UBE2J2: variants seen among roughly 807,000 people sequenced by gnomAD.
The protein encoded by UBE2J2 is ubiquitin-conjugating enzyme E2 J2.
Under a neutral mutation model 28.6 loss-of-function variants are expected in UBE2J2, and 5 were observed. That is an observed-to-expected ratio of 0.17 (90% CI 0.09 to 0.37). The LOEUF is 0.37. Among genes scored for constraint, UBE2J2 ranks in the 10% least tolerant of loss-of-function variants. The probability of loss-of-function intolerance (pLI) is 1.00; values close to 1 mark genes in which losing one functional copy is unlikely to be tolerated. For synonymous variants in UBE2J2, 138 were observed against 139.7 expected, an observed-to-expected ratio of 0.99 and a Z score of 0.09; for missense variants, 226 against 338.9, an observed-to-expected ratio of 0.67 and a Z score of 2.62.
In UBE2J2 at chr1:1,268,096, G is replaced by C. The variant is rs543455689; in HGVS notation, c.1-104C>G. The C allele has an allele frequency of 6.7e-6, 10 of 1,496,810 alleles. No homozygotes were observed. Among genetic ancestry groups the C allele is most frequent in the Non-Finnish European group, 9.1e-6 (10 of 1,094,088 alleles). The allele number at this position is 1,496,810 out of a possible 1,614,324, so 92.7% of individuals were successfully genotyped here. ...GCCTCTGCAGCCCGCCATTCATTCA[G>C]GGCCCGGTCACCCAGAGTCACAGCT... On this transcript the variant is annotated intron_variant, in intron 1 of 6. Transcript: ENST00000349431. The surrounding 1 kb of genome is among the most constrained non-coding windows in gnomAD (Gnocchi z 4.7).
chr1:1,266,281 T>C (rs1427601060), intron 2 of UBE2J2: 2 of 865,466 alleles, frequency 2.3e-6, no homozygotes, highest in Non-Finnish European at 3.1e-6. Flanking sequence ...CTCACTGAAA[T>C]ATCTTTTCTC....
intron 3 of UBE2J2, 61 bp downstream of exon 3, chr1:1,263,285 C>T: frequency 6.9e-7 from 1 of 1,458,588 alleles, no homozygotes; most frequent in East Asian, 2.3e-5. Context: ...GTTGAACAGG[C>T]AAGGCTGACT....
rs746994794 is a variant in UBE2J2, at chr1:1,257,202, C to T, written c.275+6G>A. On this transcript the variant is annotated splice_donor_region_variant and intron_variant, in intron 4 of 6. Transcript: ENST00000349431. ...AAAGCCTCCGCGGCCCCTCCAGGCACCTTACCTGGTGTTGCACTTAAACCT... is the reference window on the plus strand; with the variant it reads ...AAAGCCTCCGCGGCCCCTCCAGGCATCTTACCTGGTGTTGCACTTAAACCT... 644 of 1,606,288 alleles carry T rather than the reference C, an allele frequency of 4.0e-4. No homozygotes were observed. Among genetic ancestry groups the T allele is most frequent in the Non-Finnish European group, 5.2e-4 (612 of 1,174,892 alleles).
chr1:1,259,593 G>A lies in UBE2J2; in HGVS notation c.173-2283C>T, dbSNP rs1639435281. On this transcript the variant is annotated intron_variant, in intron 3 of 6. Coordinates refer to ENST00000349431, the MANE Select transcript of UBE2J2 (RefSeq NM_058167.3). ...GCCTCGGCATCCACTCTGAATCTAG[G>A]CTGGACTTTCTCTGACCAGAAGCGG... Among the ~76,000 whole-genome samples, 3 of 152,288 alleles carry A rather than the reference G, an allele frequency of 2.0e-5. No individual in the cohort carries two copies. The South Asian group carries it at 6.2e-4, about 32-fold the overall frequency.
At chr1:1,262,045 T>C in intron 3 of UBE2J2, 1 of 250,066 alleles carries the variant, frequency 4.0e-6, no homozygotes, top group Non-Finnish European at 8.1e-6. Context: ...TTAGTAGAGA[T>C]GGGGTTTCTC....
At chr1:1,259,468 CG>C (rs1639426921) in intron 3 of UBE2J2, among the ~76,000 whole-genome samples, 1 of 152,240 alleles carries the variant, frequency 6.6e-6, no homozygotes, top group Admixed American at 6.5e-5. Context: ...GTCCCCAAAT[CG>C]CCACGGGCTC....
rs971386703 is a variant in UBE2J2 at position 1,268,529 on chromosome 1, G to A, written c.1-537C>T. On this transcript the variant is annotated intron_variant, in intron 1 of 6. Transcript: ENST00000349431. This position sits in a 1 kb window ranked among gnomAD's most constrained non-coding sequence, Gnocchi z 4.7. ...GGGGAGCCTCTGCGGCTGGAGGGAC[G>A]AGGACTCTGGAGACTCCAAGGCACT... 1.9e-4 allele frequency among the ~76,000 whole-genome samples: 29 copies of A among 152,192 alleles called. No individual in the cohort carries two copies. The highest frequency in any genetic ancestry group is 2.1e-4 in the South Asian group (1 of 4,826).
At chr1:1,255,937 C>G in intron 6 of UBE2J2, 108 bp downstream of exon 6, 1 of 837,670 alleles carries the variant, frequency 1.2e-6, no homozygotes. Context: ...AGGAGCCATC[C>G]CCTGGGGAGG....
intron 5 of UBE2J2, 98 bp from the exon 6 acceptor site, chr1:1,256,223 T>C (rs1639164172): frequency 1.1e-6 from 1 of 873,686 alleles, no homozygotes; most frequent in East Asian, 2.5e-5. Context: ...GCAGTCTTCG[T>C]GTTGCAGAAA....
intron 2 of UBE2J2, 82 bp downstream of exon 2, chr1:1,267,780 C>G: frequency 6.3e-7 from 1 of 1,579,402 alleles, no homozygotes; most frequent in Non-Finnish European, 8.6e-7. Flanking sequence ...GACTGGGGCA[C>G]CAGGCTCGCC....
At chr1:1,259,494 C>T (rs1639428204) in intron 3 of UBE2J2, among the ~76,000 whole-genome samples, 1 of 152,236 alleles carries the variant, frequency 6.6e-6, no homozygotes, top group Non-Finnish European at 1.5e-5. Flanking sequence ...GCTCTAGACC[C>T]ACCCTGTGTA....
chr1:1,256,942 C>A lies in UBE2J2; in HGVS notation c.414+50G>T, dbSNP rs372828954. The A allele has an allele frequency of 6.4e-6, 9 of 1,401,478 alleles. No homozygotes were observed. The African/African-American group carries it at 1.3e-4, about 21-fold the overall frequency. The allele number at this position is 1,401,478 out of a possible 1,614,324, so 86.8% of individuals were successfully genotyped here. A position where few individuals can be genotyped will look rare whatever the true frequency, so the allele number is the denominator to read the frequency against. On this transcript the variant is annotated intron_variant, in intron 5 of 6. Coordinates refer to ENST00000349431, the MANE Select transcript of UBE2J2 (RefSeq NM_058167.3). ...CTGCAACTCAGGAACAGAGAACAGCCCCCCAGACACAAGGCTGACGGCCCA... is the reference window on the plus strand; with the variant it reads ...CTGCAACTCAGGAACAGAGAACAGCACCCCAGACACAAGGCTGACGGCCCA...
In UBE2J2 at chr1:1,273,292, G is replaced by T. The variant is rs536902054; in HGVS notation, c.-1+374C>A. On this transcript the variant is annotated intron_variant, in intron 1 of 6. Coordinates refer to ENST00000349431, the MANE Select transcript of UBE2J2 (RefSeq NM_058167.3). ...TCTCTCGGGGTTTACGGGGCAGTCT[G>T]GAGTCTAACAGTTCAGGGGCGAGGC... The T allele has an allele frequency of 4.6e-5, 7 of 152,386 alleles. No homozygotes were observed. In the East Asian group the frequency reaches 1.4e-3, roughly 29 times the overall value. The allele number at this position is 152,386 out of a possible 1,614,324, so 9.4% of individuals were successfully genotyped here.
chr1:1,257,664 G>A lies in UBE2J2; in HGVS notation c.173-354C>T, dbSNP rs185052930. Among the ~76,000 whole-genome samples, 18 of 151,466 alleles carry A rather than the reference G, an allele frequency of 1.2e-4. No individual in the cohort carries two copies. In the East Asian group the frequency reaches 2.3e-3, roughly 20 times the overall value. The stretch of plus-strand genomic sequence containing the variant: ...CACCCCCACCAGGAGCAGAGGGGTC[G>A]GAAGAGGCATGCAGGGCCTCCTTGC... On this transcript the variant is annotated intron_variant, in intron 3 of 6. Coordinates refer to ENST00000349431, the MANE Select transcript of UBE2J2 (RefSeq NM_058167.3).
At chr1:1,262,953 C>T (rs1015546712) in intron 3 of UBE2J2, 22 of 194,688 alleles carry the variant, frequency 1.1e-4, no homozygotes, top group African/African-American at 4.4e-4. Context: ...CTGGGGATTG[C>T]GAAACCCTGG....
At chr1:1,261,920 C>T (rs1392916370) in intron 3 of UBE2J2, among the ~76,000 whole-genome samples, 3 of 152,088 alleles carry the variant, frequency 2.0e-5, no homozygotes, top group African/African-American at 4.8e-5. Context: ...TACAACGGCA[C>T]GACCTCGGCT....
At chr1:1,260,250 A>C (rs1280319339) in intron 3 of UBE2J2, among the ~76,000 whole-genome samples, 4 of 152,254 alleles carry the variant, frequency 2.6e-5, no homozygotes, top group Non-Finnish European at 5.9e-5. Context: ...ACAAGAGATC[A>C]TAAGGAAAGG....
intron 5 of UBE2J2, chr1:1,256,372 T>C (rs1570534600): frequency 2.4e-6 from 1 of 414,710 alleles, no homozygotes; most frequent in Non-Finnish European, 4.4e-6. Flanking sequence ...AGCACCGGGC[T>C]CCCCGCTGAC....
intron 2 of UBE2J2, 146 bp downstream of exon 2, chr1:1,267,716 C>G (rs904615447): frequency 6.5e-5 from 97 of 1,502,686 alleles, no homozygotes; most frequent in Middle Eastern, 2.5e-4. Flanking sequence ...CCACAGGCCC[C>G]TGGGCACCCC....
Sources: gnomAD v4.1 joint callset for allele counts (sites outside exome capture counted in the v4.1 genomes callset) on GRCh38, gnomAD v4.1.1 for gene constraint, Gnocchi (gnomAD v3.1) non-coding constraint, MANE v1.5 for transcripts, NCBI Gene and HGNC (gene_info 2026-07-23, HGNC 2026-07-21) for gene names.